ITIH5: variants seen among roughly 807,000 people sequenced by gnomAD.
ITIH5 encodes the protein inter-alpha-trypsin inhibitor heavy chain 5, also known as inter-alpha-trypsin inhibitor heavy chain H5.
ITIH5 carries 65 observed loss-of-function variants against 77.5 expected under a neutral mutation model. The observed-to-expected ratio is 0.84, with a 90% CI of 0.69 to 1.03. The LOEUF is 1.03. ITIH5 is among the 50% of genes least tolerant of loss of function. The pLI is 0.00. For synonymous variants in ITIH5, 525 were observed against 494.3 expected (o/e 1.06, Z -0.82); for missense variants, 1,208 against 1,213.1 (o/e 1.00, Z 0.06).
chr10:7,653,422 G>A (rs1011942346), intron 2 of ITIH5, among the ~76,000 whole-genome samples: 1 of 152,102 alleles, frequency 6.6e-6, no homozygotes, highest in African/African-American at 2.4e-5. Context: ...TAGCCAGGCT[G>A]GTCTTGAACT....
intron 5 of ITIH5, among the ~76,000 whole-genome samples, chr10:7,630,346 T>C (rs922363393): frequency 2.6e-5 from 4 of 152,238 alleles, no homozygotes; most frequent in Admixed American, 1.3e-4. Flanking sequence ...TTGGTAAATT[T>C]TGCCAGATCT....
chr10:7,587,218 T>G (rs1469799493), intron 7 of ITIH5, among the ~76,000 whole-genome samples: 2 of 152,094 alleles, frequency 1.3e-5, no homozygotes, highest in African/African-American at 4.8e-5. Context: ...TGATAACAGG[T>G]ATACACTAAA....
chr10:7,584,308 T>TC (rs1564244565), intron 8 of ITIH5, among the ~76,000 whole-genome samples: 5 of 137,224 alleles, frequency 3.6e-5, no homozygotes, highest in African/African-American at 1.3e-4. Context: ...TCTTTTTTTT[T>TC]TCTTTTTTTT....
At chr10:7,601,059 T>A (rs946796583) in intron 7 of ITIH5, among the ~76,000 whole-genome samples, 2 of 152,190 alleles carry the variant, frequency 1.3e-5, no homozygotes, top group African/African-American at 4.8e-5. Flanking sequence ...AAATATAACA[T>A]TTTTTGCTAC....
chr10:7,613,033 T>C (rs1833282330), intron 7 of ITIH5, among the ~76,000 whole-genome samples: 1 of 152,080 alleles, frequency 6.6e-6, no homozygotes, highest in Admixed American at 6.6e-5. Flanking sequence ...TTACCTGAGG[T>C]TAGGAGTTCG....
At chr10:7,595,543 A>G (rs1471149102) in intron 7 of ITIH5, among the ~76,000 whole-genome samples, 1 of 152,246 alleles carries the variant, frequency 6.6e-6, no homozygotes, top group Non-Finnish European at 1.5e-5. Context: ...TTTTATGGTG[A>G]TGAATTCCTC....
chr10:7,598,129 G>A (rs555456575), intron 7 of ITIH5, among the ~76,000 whole-genome samples: 55 of 152,244 alleles, frequency 3.6e-4, no homozygotes, highest in Non-Finnish European at 6.8e-4. Context: ...AATGCCTAAA[G>A]GAAATCAATG....
chr10:7,566,851 GAAGAAGAAGAAGAAGAAGAA>G, intron 12 of ITIH5, among the ~76,000 whole-genome samples: 2 of 23,642 alleles, frequency 8.5e-5, no homozygotes, highest in Non-Finnish European at 1.7e-4. Context: ...AGAGGAAGAA[GAAGAAGAAGAAGAAGAAGAA>G]GAAGAAGAAG....
intron 5 of ITIH5, among the ~76,000 whole-genome samples, chr10:7,624,378 A>G (rs1478050800): frequency 2.0e-5 from 3 of 152,026 alleles, no homozygotes; most frequent in Non-Finnish European, 4.4e-5. Flanking sequence ...ATGGTGGCGC[A>G]TGCCTGTAAT....
rs1387776902 is a variant in ITIH5, at chr10:7,666,839, C to T, written c.54G>A (p.Gln18=). The T allele has an allele frequency of 6.2e-7, 1 of 1,609,370 alleles. No individual in the cohort carries two copies. Among genetic ancestry groups the T allele is most frequent in the African/African-American group, 1.3e-5 (1 of 74,520 alleles). ...CLGLSLCVGS[Q]EEAQSWGHSS... is the part of the protein sequence containing the mutation. ...AGTGGCCCCAGCTCTGCGCCTCTTC[C>T]TGCGACCCCACACACAGGGACAGCC... Residue 18 remains glutamine, a synonymous_variant, in exon 1 of 14, where the codon CAG becomes CAA. Coordinates refer to ENST00000397146, the MANE Select transcript of ITIH5 (RefSeq NM_030569.7).
At chr10:7,603,539 T>G (rs1267050973) in intron 7 of ITIH5, among the ~76,000 whole-genome samples, 1 of 152,154 alleles carries the variant, frequency 6.6e-6, no homozygotes, top group Non-Finnish European at 1.5e-5. Context: ...GGGTGGATGT[T>G]ATGGGCTGTG....
At chr10:7,644,512 T>TATATATCACATATATATG (rs1225361846) in intron 2 of ITIH5, among the ~76,000 whole-genome samples, 18 of 48,866 alleles carry the variant, frequency 3.7e-4, no homozygotes, top group Admixed American at 1.6e-3. Context: ...ATATATATGA[T>TATATATCACATATATATG]ATATATCACA....
At chr10:7,584,309 T>TC (rs397728695) in intron 8 of ITIH5, among the ~76,000 whole-genome samples, 7 of 134,060 alleles carry the variant, frequency 5.2e-5, no homozygotes, top group Non-Finnish European at 1.1e-4. Flanking sequence ...CTTTTTTTTT[T>TC]CTTTTTTTTT....
intron 2 of ITIH5, among the ~76,000 whole-genome samples, chr10:7,644,841 CATATATAT>C (rs1833976350): frequency 1.6e-5 from 2 of 128,632 alleles, no homozygotes; most frequent in African/African-American, 6.2e-5. Context: ...ATATATATCA[CATATATAT>C]CACATATGTA....
At position 7,563,382 on chromosome 10, in the gene ITIH5, G is replaced by A. The variant is rs371983728; in HGVS notation, c.2530C>T (p.Gln844Ter). ...AGTCTGGCATCCTGATTCAGGAACT[G>A]ACCTGGGAGGACAAGGAAAAGCATC... ...LSSNCHGLLG[Q>*]FLNQDARLTE... The change falls in exon 14 of 14, where the codon CAG (glutamine) becomes TAG (stop). Residue 844 changes from glutamine to a stop codon, truncating the protein, a stop_gained and splice_region_variant. Coordinates refer to ENST00000397146, the MANE Select transcript of ITIH5 (RefSeq NM_030569.7). LOFTEE classifies it low-confidence loss of function (END_TRUNC). The A allele has an allele frequency of 2.7e-5, 44 of 1,608,828 alleles. No individual in the cohort carries two copies. The African/African-American group carries it at 4.4e-4, about 16-fold the overall frequency.
rs1831996227 is a variant in ITIH5 at position 7,559,285 on chromosome 10, CAA to C, written c.*3796_*3797del. The C allele has an allele frequency of 6.6e-6, 1 of 152,292 alleles. No individual in the cohort carries two copies. Among genetic ancestry groups the C allele is most frequent in the African/African-American group, 2.4e-5 (1 of 41,462 alleles). 9.4% of individuals were successfully genotyped at this position (152,292 alleles called of 1,614,324 possible). On this transcript the variant is annotated 3_prime_UTR_variant, in exon 14 of 14. Coordinates refer to ENST00000397146, the MANE Select transcript of ITIH5 (RefSeq NM_030569.7). ...AAACAAGCAGTGCAGTTAGATTCTT[CAA>C]GTTTTATTCTCAACAGCTCCAATTC...
Position 7,566,724 on chromosome 10 carries a change from T to TA in ITIH5, c.2150-318dup, listed in dbSNP as rs758378979. Among the ~76,000 whole-genome samples the TA allele has an allele frequency of 8.7e-4, 8 of 9,150 alleles. 2 individuals are homozygous for TA. Among genetic ancestry groups the TA allele is most frequent in the Middle Eastern group, 0.077 (2 of 26 alleles). The allele number at this position is 9,150 out of a possible 152,430, so 6.0% of individuals were successfully genotyped here. ...GCTACAGAGTGAGATCCTATCTCAT[T>TA]AAAAAAAAAAAAAAAAAGAAGAAGA... On this transcript the variant is annotated intron_variant, in intron 12 of 13. Transcript: ENST00000397146.
chr10:7,662,343 T>A (rs1304349004), intron 1 of ITIH5, among the ~76,000 whole-genome samples: 9 of 148,494 alleles, frequency 6.1e-5, no homozygotes, highest in African/African-American at 2.3e-4. Context: ...GGCAACAGAG[T>A]GAGACTGTCT....
At position 7,559,938 on chromosome 10, in the gene ITIH5, G is replaced by A. The variant is rs1462236408; in HGVS notation, c.*3145C>T. On this transcript the variant is annotated 3_prime_UTR_variant, in exon 14 of 14. Coordinates refer to ENST00000397146, the MANE Select transcript of ITIH5 (RefSeq NM_030569.7). Reference sequence around the variant, plus strand: ...GTGATCTTGGCTCACTACAAGTTCCGACTGCCTGGTTCAAGCGATTCTCCT... The same window carrying A: ...GTGATCTTGGCTCACTACAAGTTCCAACTGCCTGGTTCAAGCGATTCTCCT... The A allele has an allele frequency of 3.2e-5, 14 of 436,546 alleles. No homozygotes were observed. The highest frequency in any genetic ancestry group is 5.5e-5 in the Non-Finnish European group (12 of 219,700). 27.0% of individuals were successfully genotyped at this position (436,546 alleles called of 1,614,324 possible). A position where few individuals can be genotyped will look rare whatever the true frequency, so the allele number is the denominator to read the frequency against.
Sources: allele counts gnomAD v4.1 joint callset (sites outside exome capture counted in the v4.1 genomes callset), GRCh38; gene constraint gnomAD v4.1.1; transcripts MANE v1.5; gene names NCBI Gene and HGNC (gene_info 2026-07-23, HGNC 2026-07-21).